The following CD109 variants were observed in gnomAD, a reference collection of about 807,000 sequenced individuals.
CD109 encodes CD109 molecule, also known as CD109 antigen.
CD109 carries 149 observed loss-of-function variants against 165.8 expected under a neutral mutation model. The observed-to-expected ratio is 0.90, with a 90% confidence interval of 0.79 to 1.03. CD109 has a LOEUF of 1.03. Ranked by LOEUF, CD109 falls within the 50% of genes least tolerant of loss-of-function variation. The pLI is 0.00. For missense variants in CD109, 1,712 were observed against 1,677.8 expected (o/e 1.02, Z -0.36); for synonymous variants, 585 against 592.1 (o/e 0.99, Z 0.18).
At chr6:73,789,986 C>A (rs1774860920) in intron 22 of CD109, among the ~76,000 whole-genome samples, 1 of 151,856 alleles carries the variant, frequency 6.6e-6, no homozygotes, top group Non-Finnish European at 1.5e-5. Context: ...GGTCTCGAAC[C>A]CCTGACCCAA....
intron 2 of CD109, among the ~76,000 whole-genome samples, chr6:73,718,015 A>G (rs1771809855): frequency 6.6e-6 from 1 of 151,758 alleles, no homozygotes. Flanking sequence ...TTTTCCAAAT[A>G]TAAGATCATA....
In CD109 at chr6:73,712,165, T is replaced by C. The variant is rs574324993; in HGVS notation, c.248-11086T>C. On this transcript the variant is annotated intron_variant, in intron 2 of 32. Transcript: ENST00000287097. The stretch of plus-strand genomic sequence containing the variant: ...CGGAGGTTGTAGTGAGCCGAGATCA[T>C]GCCACTGCACTCCAGCCTGGGCAAC... Among the ~76,000 whole-genome samples the C allele has an allele frequency of 3.3e-5, 5 of 152,168 alleles. No homozygotes were observed. The East Asian group carries it at 9.7e-4, about 29-fold the overall frequency.
chr6:73,713,800 C>G (rs973588983), intron 2 of CD109, among the ~76,000 whole-genome samples: 2 of 152,128 alleles, frequency 1.3e-5, no homozygotes, highest in African/African-American at 4.8e-5. Flanking sequence ...TTTTGAAGTG[C>G]CAGAATGCTT....
At chr6:73,695,817 G>A (rs2150140492), upstream of CD109, 1 of 256,280 alleles carries the variant, frequency 3.9e-6, no homozygotes, top group East Asian at 1.5e-4. Flanking sequence ...CACAAGGATG[G>A]GCCTGTTTAC....
At chr6:73,689,875 TAC>T in the CD109 span, among the ~76,000 whole-genome samples, 3 of 152,208 alleles carry the variant, frequency 2.0e-5, no homozygotes, top group African/African-American at 7.2e-5. Flanking sequence ...TCAGAAATGT[TAC>T]AAATGTGAAA....
intron 26 of CD109, among the ~76,000 whole-genome samples, chr6:73,808,764 T>A (rs1775657827): frequency 6.6e-6 from 1 of 151,724 alleles, no homozygotes; most frequent in Non-Finnish European, 1.5e-5. Flanking sequence ...TGCTAGTAAG[T>A]GGATTATGTG....
intron 32 of CD109, among the ~76,000 whole-genome samples, chr6:73,821,185 C>G (rs190495773): frequency 5.8e-4 from 88 of 152,232 alleles, no homozygotes; most frequent in South Asian, 2.7e-3. Context: ...GGAGGGATAG[C>G]ATTAGGAGTT....
Position 73,802,289 on chromosome 6 carries a change from G to GTGTGTGTATA in CD109, c.2879-930_2879-929insGTGTGTATAT, listed in dbSNP as rs71542231. Among the ~76,000 whole-genome samples the GTGTGTGTATA allele has an allele frequency of 3.9e-3, 307 of 78,150 alleles. 3 individuals carry two copies. Among genetic ancestry groups the GTGTGTGTATA allele is most frequent in the Non-Finnish European group, 5.8e-3 (253 of 43,818 alleles). The allele number at this position is 78,150 out of a possible 152,430, so 51.3% of individuals were successfully genotyped here. On this transcript the variant is annotated intron_variant, in intron 23 of 32. Transcript: ENST00000287097. The stretch of plus-strand genomic sequence containing the variant: ...TGTGTGTGTGTGTGTGTGTGTGTGT[G>GTGTGTGTATA]TATATATATATATATATTTTTTTTT...
intron 1 of CD109, among the ~76,000 whole-genome samples, chr6:73,696,613 G>GC (rs1377184998): frequency 6.6e-6 from 1 of 152,190 alleles, no homozygotes; most frequent in Non-Finnish European, 1.5e-5. Context: ...CTCCCAGATT[G>GC]CGATTCTTCT....
At chr6:73,715,429 G>GTGGCC (rs752826798) in intron 2 of CD109, among the ~76,000 whole-genome samples, 62 of 151,586 alleles carry the variant, frequency 4.1e-4, no homozygotes, top group South Asian at 8.3e-4. Flanking sequence ...GCCAGGCATG[G>GTGGCC]TGGCCTGTGC....
At chr6:73,709,287 G>C (rs1190233262) in intron 2 of CD109, among the ~76,000 whole-genome samples, 1 of 152,104 alleles carries the variant, frequency 6.6e-6, no homozygotes, top group Non-Finnish European at 1.5e-5. Context: ...TTTGTGTCAG[G>C]TTTGTCAAAG....
intron 9 of CD109, among the ~76,000 whole-genome samples, chr6:73,763,362 G>A (rs1269803815): frequency 6.6e-6 from 1 of 152,116 alleles, no homozygotes; most frequent in African/African-American, 2.4e-5. Flanking sequence ...ATGTCACTGC[G>A]GTAGAATGGC....
At chr6:73,757,094 T>C (rs545281911) in intron 6 of CD109, among the ~76,000 whole-genome samples, 1 of 152,350 alleles carries the variant, frequency 6.6e-6, no homozygotes, top group East Asian at 1.9e-4. Context: ...TTACAATATC[T>C]GTTAGAAACC....
At chr6:73,749,197 T>C (rs569834799) in intron 5 of CD109, among the ~76,000 whole-genome samples, 5 of 152,280 alleles carry the variant, frequency 3.3e-5, no homozygotes, top group African/African-American at 1.2e-4. Flanking sequence ...GTGTAACAAA[T>C]GCAAAGAGCA....
intron 5 of CD109, among the ~76,000 whole-genome samples, chr6:73,753,094 C>T (rs555952410): frequency 1.3e-5 from 2 of 152,198 alleles, no homozygotes; most frequent in South Asian, 4.1e-4. Flanking sequence ...TAGCCTGACA[C>T]CTGTTTTTGT....
intron 4 of CD109, among the ~76,000 whole-genome samples, chr6:73,731,907 A>G (rs1409802669): frequency 6.6e-6 from 1 of 152,150 alleles, no homozygotes; most frequent in Non-Finnish European, 1.5e-5. Context: ...TATTTTAGGA[A>G]CCCCTTTTGA....
intron 5 of CD109, among the ~76,000 whole-genome samples, chr6:73,738,318 A>G (rs1248844439): frequency 6.6e-6 from 1 of 152,192 alleles, no homozygotes. Flanking sequence ...TAGCTAAATA[A>G]CCATCATGCC....
At chr6:73,783,672 T>G in intron 18 of CD109, 35 bp from the exon 19 acceptor site, 1 of 1,226,168 alleles carries the variant, frequency 8.2e-7, no homozygotes, top group Non-Finnish European at 1.2e-6. Context: ...CAGTTCTTGG[T>G]TTTGTGATGT....
chr6:73,781,072 G>T (rs1181637122), intron 16 of CD109, among the ~76,000 whole-genome samples, 187 bp from the exon 17 acceptor site: 1 of 150,280 alleles, frequency 6.7e-6, no homozygotes, highest in Admixed American at 6.7e-5. Flanking sequence ...GAGTGAGAAA[G>T]GTTGATGTGT....
Sources: gnomAD v4.1 joint callset for allele counts (sites outside exome capture counted in the v4.1 genomes callset) on GRCh38, gnomAD v4.1.1 for gene constraint, MANE v1.5 for transcripts, NCBI Gene and HGNC (gene_info 2026-07-23, HGNC 2026-07-21) for gene names.